The following QTMAN variants were observed in gnomAD, a reference collection of about 807,000 sequenced individuals.
The protein encoded by QTMAN is tRNA-queuosine alpha-mannosyltransferase.
At chr2:144,207,836 T>A in the QTMAN span, among the ~76,000 whole-genome samples, 1 of 151,924 alleles carries the variant, frequency 6.6e-6, no homozygotes, top group Non-Finnish European at 1.5e-5. Context: ...GACTCTTTTA[T>A]TTTCTAAATT....
the QTMAN span, among the ~76,000 whole-genome samples, chr2:143,959,084 G>A: frequency 4.6e-5 from 7 of 151,552 alleles, no homozygotes; most frequent in East Asian, 1.9e-4. Context: ...AGCAATTATC[G>A]AACACCAACT....
At chr2:144,220,851 C>G in the QTMAN span, among the ~76,000 whole-genome samples, 1 of 152,184 alleles carries the variant, frequency 6.6e-6, no homozygotes, top group African/African-American at 2.4e-5. Context: ...TTGAATTGAT[C>G]TTGATAGAAT....
chr2:144,110,472 A>G, the QTMAN span, among the ~76,000 whole-genome samples: 2 of 152,162 alleles, frequency 1.3e-5, no homozygotes, highest in Non-Finnish European at 2.9e-5. Context: ...GCACACCAAC[A>G]TGGCACATGT....
the QTMAN span, among the ~76,000 whole-genome samples, chr2:144,153,012 G>C: frequency 6.6e-6 from 1 of 152,146 alleles, no homozygotes; most frequent in East Asian, 1.9e-4. Flanking sequence ...AGAATTATCA[G>C]GGGTGGCAGA....
chr2:144,151,657 G>A, the QTMAN span, among the ~76,000 whole-genome samples: 2 of 152,102 alleles, frequency 1.3e-5, no homozygotes, highest in African/African-American at 2.4e-5. Flanking sequence ...CACTTCCAAA[G>A]CACCTTGACA....
the QTMAN span, among the ~76,000 whole-genome samples, chr2:144,302,964 T>A: frequency 6.6e-6 from 1 of 152,208 alleles, no homozygotes; most frequent in Non-Finnish European, 1.5e-5. Context: ...TAGCCAGGCA[T>A]GGTTGTGCAC....
chr2:144,205,673 G>GA, the QTMAN span, among the ~76,000 whole-genome samples: 5 of 152,136 alleles, frequency 3.3e-5, no homozygotes, highest in African/African-American at 9.7e-5. Flanking sequence ...ACCTGAGGGT[G>GA]AAAAAATGAT....
the QTMAN span, among the ~76,000 whole-genome samples, chr2:144,189,364 A>G: frequency 1.3e-5 from 2 of 152,220 alleles, no homozygotes; most frequent in Admixed American, 6.5e-5. Context: ...GGCAGTACAC[A>G]GGGTTTGCTC....
the QTMAN span, among the ~76,000 whole-genome samples, chr2:144,285,691 G>C: frequency 1.3e-5 from 2 of 152,182 alleles, no homozygotes; most frequent in Admixed American, 6.5e-5. Context: ...AAATGTAATT[G>C]AAGGAGCTTT....
chr2:143,958,868 T>A, the QTMAN span, among the ~76,000 whole-genome samples: 2 of 148,420 alleles, frequency 1.3e-5, no homozygotes, highest in Non-Finnish European at 3.0e-5. Flanking sequence ...TCTTGCTGAC[T>A]CACTTTATAA....
chr2:144,177,071 C>A, the QTMAN span: 1 of 594,964 alleles, frequency 1.7e-6, no homozygotes, highest in South Asian at 1.6e-5. Flanking sequence ...AGAATTCTAT[C>A]ACAAGGACAG....
At chr2:144,214,816 T>G in the QTMAN span, among the ~76,000 whole-genome samples, 1 of 152,240 alleles carries the variant, frequency 6.6e-6, no homozygotes, top group Non-Finnish European at 1.5e-5. Flanking sequence ...CTTTTCCAAT[T>G]ATATGAATTG....
the QTMAN span, among the ~76,000 whole-genome samples, chr2:144,208,310 T>A: frequency 2.0e-5 from 3 of 152,068 alleles, no homozygotes; most frequent in African/African-American, 7.2e-5. Flanking sequence ...GATCTACTGT[T>A]CTCTCAGGCC....
chr2:144,145,397 T>TGG, the QTMAN span, among the ~76,000 whole-genome samples: 1 of 151,884 alleles, frequency 6.6e-6, no homozygotes, highest in Non-Finnish European at 1.5e-5. Flanking sequence ...TTTTATAAAA[T>TGG]GATTAGTTGT....
At chr2:144,142,172 G>T in the QTMAN span, 1 of 632,446 alleles carries the variant, frequency 1.6e-6, no homozygotes, top group Non-Finnish European at 2.6e-6. Flanking sequence ...GGTTTGCAAA[G>T]AACTCTTCAC....
At chr2:144,005,308 C>A in the QTMAN span, among the ~76,000 whole-genome samples, 1 of 152,056 alleles carries the variant, frequency 6.6e-6, no homozygotes, top group African/African-American at 2.4e-5. Flanking sequence ...GAACAAATAT[C>A]GAATGTCAAC....
At chr2:144,171,493 G>A in the QTMAN span, among the ~76,000 whole-genome samples, 30 of 152,178 alleles carry the variant, frequency 2.0e-4, no homozygotes, top group African/African-American at 7.2e-4. Flanking sequence ...TCAAAATAAT[G>A]CTGCCCAAAT....
At chr2:144,114,060 G>A in the QTMAN span, among the ~76,000 whole-genome samples, 61 of 152,258 alleles carry the variant, frequency 4.0e-4, 1 homozygote, top group Admixed American at 4.0e-3. Context: ...TAGAAAATAT[G>A]AGCTGTGATA....
At chr2:144,201,097 G>GA in the QTMAN span, among the ~76,000 whole-genome samples, 9 of 152,050 alleles carry the variant, frequency 5.9e-5, no homozygotes, top group African/African-American at 1.4e-4. Flanking sequence ...AAAATGGGGA[G>GA]AAAAAAATCA....
Sources: allele counts gnomAD v4.1 joint callset (sites outside exome capture counted in the v4.1 genomes callset), GRCh38; gene constraint gnomAD v4.1.1; transcripts MANE v1.5; gene names NCBI Gene and HGNC (gene_info 2026-07-23, HGNC 2026-07-21).